TRIML2: variants seen among roughly 807,000 people sequenced by gnomAD.
The protein encoded by TRIML2 is tripartite motif family like 2.
In TRIML2, 28 loss-of-function variants were observed where a neutral mutation model predicts 31.2. That is an observed-to-expected ratio of 0.90 (90% CI 0.66 to 1.23). The LOEUF (loss-of-function observed/expected upper bound fraction) is 1.23. Ranked by LOEUF, TRIML2 falls within the 50% of genes most tolerant of loss-of-function variation. The probability of loss-of-function intolerance (pLI) is 0.00; values close to 1 mark genes in which losing one functional copy is unlikely to be tolerated. For synonymous variants in TRIML2, 187 were observed against 197.5 expected (o/e 0.95, Z 0.45); for missense variants, 536 against 528.3 (o/e 1.01, Z -0.14).
chr4:188,092,786 C>T (rs1194382360), intron 7 of TRIML2: 20 of 454,970 alleles, frequency 4.4e-5, no homozygotes, highest in Admixed American at 7.0e-5. Flanking sequence ...CAGAAACTCA[C>T]GCTGAGAACA....
intron 1 of TRIML2, among the ~76,000 whole-genome samples, chr4:188,108,318 A>T (rs1734124794): frequency 6.6e-6 from 1 of 152,198 alleles, no homozygotes; most frequent in African/African-American, 2.4e-5. Flanking sequence ...AGGAGCACTC[A>T]AAATTAACAT....
chr4:188,094,951 G>C (rs28832646), intron 7 of TRIML2, among the ~76,000 whole-genome samples: 8,475 of 152,246 alleles, frequency 0.056, 381 homozygotes, highest in African/African-American at 0.12. Context: ...AGACCTATTA[G>C]AGTCACAAAT....
At chr4:188,102,269 G>A (rs1475245965) in intron 3 of TRIML2, among the ~76,000 whole-genome samples, 1 of 151,994 alleles carries the variant, frequency 6.6e-6, no homozygotes, top group Non-Finnish European at 1.5e-5. Context: ...GAGTTGTGGG[G>A]AAAAAAGGAG....
chr4:188,098,738 TGA>T (rs1313266621), intron 5 of TRIML2: 4 of 335,214 alleles, frequency 1.2e-5, no homozygotes, highest in Non-Finnish European at 2.2e-5. Flanking sequence ...TTATTCTTTA[TGA>T]TCACAGAATA....
intron 6 of TRIML2, 33 bp from the exon 7 acceptor site, chr4:188,097,194 C>T: frequency 6.2e-7 from 1 of 1,603,886 alleles, no homozygotes; most frequent in Non-Finnish European, 8.5e-7. Flanking sequence ...GTCATCTGCA[C>T]AGACCACAGG....
chr4:188,100,985 G>T, intron 4 of TRIML2, 71 bp downstream of exon 4: 4 of 1,381,014 alleles, frequency 2.9e-6, no homozygotes, highest in Admixed American at 2.4e-5. Flanking sequence ...TGTTATTTTG[G>T]AATTGACATA....
chr4:188,108,643 G>T (rs1440341760), intron 1 of TRIML2, among the ~76,000 whole-genome samples: 2 of 152,034 alleles, frequency 1.3e-5, no homozygotes, highest in Non-Finnish European at 1.5e-5. Context: ...CCCCATCACT[G>T]TCAATCTAGC....
At chr4:188,097,857 C>T (rs1287468155) in intron 5 of TRIML2, among the ~76,000 whole-genome samples, 1 of 152,180 alleles carries the variant, frequency 6.6e-6, no homozygotes, top group Non-Finnish European at 1.5e-5. Flanking sequence ...CGCGGTGGCT[C>T]ATGCCTGTAA....
chr4:188,107,142 G>C (rs1228590102), intron 1 of TRIML2, among the ~76,000 whole-genome samples: 1 of 152,050 alleles, frequency 6.6e-6, no homozygotes. Context: ...AGCCTCCCGA[G>C]TAGCTGGGAC....
intron 4 of TRIML2, among the ~76,000 whole-genome samples, chr4:188,099,813 G>A (rs1733693812): frequency 6.6e-6 from 1 of 152,094 alleles, no homozygotes; most frequent in Non-Finnish European, 1.5e-5. Context: ...TGTTTGTTCA[G>A]AAGGTTCCCT....
chr4:188,091,791 A>C lies in TRIML2; in HGVS notation c.896T>G (p.Phe299Cys), dbSNP rs752917184. The C allele has an allele frequency of 3.7e-6, 6 of 1,614,110 alleles. No homozygotes were observed. Among genetic ancestry groups the C allele is most frequent in the Non-Finnish European group, 5.1e-6 (6 of 1,180,030 alleles). The part of the protein sequence containing the change: ...FSAMVLAAES[F>C]TSGRHYWEVD... The stretch of plus-strand genomic sequence containing the variant: ...CTCCCAGTAGTGCCTCCCTGAGGTG[A>C]AGCTCTCCGCAGCCAGCACCATGGC... Residue 299 changes from phenylalanine to cysteine, a missense_variant, in exon 8 of 8, where the codon TTC becomes TGC. Transcript: ENST00000682553.
At chr4:188,103,451 C>T (rs980008046) in intron 3 of TRIML2, among the ~76,000 whole-genome samples, 3 of 152,066 alleles carry the variant, frequency 2.0e-5, no homozygotes, top group Non-Finnish European at 2.9e-5. Context: ...TGACTGACCG[C>T]CTTCTTCTGA....
At chr4:188,109,208 T>C (rs1021254022) in intron 1 of TRIML2, 35 bp downstream of exon 1, 3 of 151,000 alleles carry the variant, frequency 2.0e-5, no homozygotes, top group African/African-American at 7.3e-5. Context: ...GAAACAATTA[T>C]TAAGAAAATG....
intron 5 of TRIML2, 168 bp downstream of exon 5, chr4:188,098,867 A>T (rs1244765011): frequency 1.5e-5 from 11 of 718,522 alleles, no homozygotes; most frequent in Admixed American, 1.2e-4. Context: ...CCACAAAGCT[A>T]TGACCATTCC....
In TRIML2 at chr4:188,091,924, G is replaced by A. The variant is rs1733280240; in HGVS notation, c.763C>T (p.Pro255Ser). The A allele has an allele frequency of 6.2e-7, 1 of 1,610,328 alleles. No individual in the cohort carries two copies. Among genetic ancestry groups the A allele is most frequent in the African/African-American group, 1.3e-5 (1 of 74,902 alleles). The change falls in exon 8 of 8, where the codon CCT becomes TCT. Residue 255 changes from proline to serine, a missense_variant. Physicochemically the swap from Pro to Ser is moderately conservative, Grantham distance 74. Coordinates refer to ENST00000682553, the MANE Select transcript of TRIML2 (RefSeq NM_173553.4). ...RVLQRHLTLD[P>S]ETAHPCLALS... ...GCCAGGCAGGGATGAGCTGTTTCAGGATCCAATGTTAAATGTCCTATCAGG... is the reference window on the plus strand; with the variant it reads ...GCCAGGCAGGGATGAGCTGTTTCAGAATCCAATGTTAAATGTCCTATCAGG...
chr4:188,100,716 G>A (rs545166016), intron 4 of TRIML2, among the ~76,000 whole-genome samples: 5 of 152,062 alleles, frequency 3.3e-5, no homozygotes, highest in East Asian at 1.9e-4. Flanking sequence ...GCCAGACTCT[G>A]TCTCAAAAAA....
At chr4:188,101,763 A>G (rs867037957) in intron 3 of TRIML2, among the ~76,000 whole-genome samples, 2 of 152,144 alleles carry the variant, frequency 1.3e-5, no homozygotes, top group Non-Finnish European at 2.9e-5. Context: ...CCCAAAGGAG[A>G]AATAGAATTT....
chr4:188,094,756 C>T (rs1174027299), intron 7 of TRIML2, among the ~76,000 whole-genome samples: 1 of 152,122 alleles, frequency 6.6e-6, no homozygotes, highest in East Asian at 1.9e-4. Context: ...CCCAGCGGTC[C>T]ATTTTGAAGA....
chr4:188,102,832 A>T (rs1334721204), intron 3 of TRIML2, among the ~76,000 whole-genome samples: 1 of 150,070 alleles, frequency 6.7e-6, no homozygotes, highest in African/African-American at 2.5e-5. Flanking sequence ...CTGGGTAACA[A>T]GAACGAAACT....
Sources: gnomAD v4.1 joint callset for allele counts (sites outside exome capture counted in the v4.1 genomes callset) on GRCh38, gnomAD v4.1.1 for gene constraint, MANE v1.5 for transcripts, NCBI Gene and HGNC (gene_info 2026-07-23, HGNC 2026-07-21) for gene names.